ARID3B: variants seen among roughly 807,000 people sequenced by gnomAD.
ARID3B encodes the protein AT-rich interaction domain 3B.
In ARID3B, 10 loss-of-function variants were observed where a neutral mutation model predicts 51.9. The observed-to-expected ratio is 0.19, with a 90% CI of 0.12 to 0.33. The LOEUF is 0.33. ARID3B is among the 10% of genes least tolerant of loss of function. The pLI is 1.00. For synonymous variants in ARID3B, 205 were observed against 279.5 expected, an observed-to-expected ratio of 0.73 and a Z score of 2.66; for missense variants, 483 against 716.3, an observed-to-expected ratio of 0.67 and a Z score of 3.72.
At chr15:74,560,978 T>C (rs895619459) in intron 2 of ARID3B, among the ~76,000 whole-genome samples, 7 of 152,194 alleles carry the variant, frequency 4.6e-5, no homozygotes, top group African/African-American at 1.7e-4. Flanking sequence ...AGTCCTTTTA[T>C]TTTTGCTGTC....
chr15:74,586,433 T>C (rs1054808803), intron 4 of ARID3B, among the ~76,000 whole-genome samples: 1 of 152,252 alleles, frequency 6.6e-6, no homozygotes, highest in Non-Finnish European at 1.5e-5. Flanking sequence ...AGAGGCTAAT[T>C]TTTAATGAAA....
At chr15:74,551,813 G>T (rs756542272) in intron 2 of ARID3B, among the ~76,000 whole-genome samples, 3 of 151,878 alleles carry the variant, frequency 2.0e-5, no homozygotes, top group Non-Finnish European at 4.4e-5. Flanking sequence ...AAAGGAATTG[G>T]TTTTACTCTT....
intron 2 of ARID3B, among the ~76,000 whole-genome samples, chr15:74,559,262 G>C (rs961225238): frequency 2.0e-5 from 3 of 152,084 alleles, no homozygotes; most frequent in African/African-American, 4.8e-5. Flanking sequence ...CTGCTGCTGT[G>C]GACTCTGCTT....
At chr15:74,561,788 TA>T (rs1488973490) in intron 2 of ARID3B, among the ~76,000 whole-genome samples, 1 of 152,212 alleles carries the variant, frequency 6.6e-6, no homozygotes, top group Non-Finnish European at 1.5e-5. Flanking sequence ...TCAACTCAAC[TA>T]TTTTTCAACC....
intron 1 of ARID3B, 113 bp from the exon 2 acceptor site, chr15:74,543,747 G>A: frequency 1.5e-6 from 1 of 663,760 alleles, no homozygotes; most frequent in South Asian, 2.1e-5. Flanking sequence ...AGGAGCATAT[G>A]TTTAGCGTTC....
chr15:74,542,460 A>G (rs901694574), intron 1 of ARID3B, among the ~76,000 whole-genome samples: 4 of 152,220 alleles, frequency 2.6e-5, no homozygotes, highest in Non-Finnish European at 5.9e-5. Context: ...GGGCTATAAG[A>G]TAAACAGAAA....
intron 2 of ARID3B, among the ~76,000 whole-genome samples, chr15:74,556,305 C>T (rs1183702139): frequency 6.6e-6 from 1 of 152,136 alleles, no homozygotes; most frequent in Non-Finnish European, 1.5e-5. Flanking sequence ...GTTGGTGGAG[C>T]AGTCAGAATA....
intron 8 of ARID3B, among the ~76,000 whole-genome samples, chr15:74,593,645 C>G (rs949222877): frequency 6.6e-6 from 1 of 152,196 alleles, no homozygotes; most frequent in African/African-American, 2.4e-5. Flanking sequence ...AGCTCCCTGC[C>G]CCCCAGTCTT....
rs2061803806 is a variant in ARID3B, at chr15:74,591,647, C to T, written c.1253C>T (p.Thr418Ile). 1.2e-6 allele frequency: 2 copies of T among 1,604,632 alleles called. No individual in the cohort carries two copies. Among genetic ancestry groups the T allele is most frequent in the East Asian group, 2.3e-5 (1 of 44,382 alleles). ...GCAAGCCAGCAGGCTGGTACTCGGA[C>T]CGCCGCACTGGAGCAGCTGCGGGAG... ...TLASQQAGTRTAALEQLRERL... is the reference protein window; with the variant it reads ...TLASQQAGTRIAALEQLRERL... Residue 418 changes from threonine to isoleucine, a missense_variant, in exon 7 of 9, where the codon ACC (threonine) becomes ATC (isoleucine). Thr to Ile is a moderately conservative substitution (Grantham distance 89). This residue lies in a region of ARID3B where 265 missense variants were observed against 354.4 expected (regional missense o/e 0.75). Coordinates refer to ENST00000346246, the MANE Select transcript of ARID3B (RefSeq NM_006465.4). This position sits in a 1 kb window ranked among gnomAD's most constrained non-coding sequence, Gnocchi z 5.8.
At chr15:74,559,901 T>G (rs2061672693) in intron 2 of ARID3B, among the ~76,000 whole-genome samples, 1 of 151,660 alleles carries the variant, frequency 6.6e-6, no homozygotes, top group Non-Finnish European at 1.5e-5. Context: ...CAGTTTTAAA[T>G]TTTATATACA....
At chr15:74,572,012 G>A (rs1419268251) in intron 2 of ARID3B, among the ~76,000 whole-genome samples, 1 of 152,152 alleles carries the variant, frequency 6.6e-6, no homozygotes, top group Non-Finnish European at 1.5e-5. Context: ...AGGAGGTTGA[G>A]GCAGGAGAAT....
At chr15:74,568,721 C>T (rs1303274145) in intron 2 of ARID3B, among the ~76,000 whole-genome samples, 1 of 152,056 alleles carries the variant, frequency 6.6e-6, no homozygotes, top group Non-Finnish European at 1.5e-5. Flanking sequence ...TTCCTGTGAG[C>T]TCCTGGAGAG....
At chr15:74,562,593 C>T (rs1184562898) in intron 2 of ARID3B, among the ~76,000 whole-genome samples, 1 of 152,180 alleles carries the variant, frequency 6.6e-6, no homozygotes, top group East Asian at 1.9e-4. Flanking sequence ...CTCAACCAAT[C>T]CTCTCACCAC....
At chr15:74,583,793 G>A (rs12594105) in intron 4 of ARID3B, among the ~76,000 whole-genome samples, 6,730 of 152,260 alleles carry the variant, frequency 0.044, 165 homozygotes, top group East Asian at 0.12. Context: ...CATCTAGTGA[G>A]CTGTATGGTT....
chr15:74,558,573 A>G (rs2061667922), intron 2 of ARID3B, among the ~76,000 whole-genome samples: 1 of 152,184 alleles, frequency 6.6e-6, no homozygotes, highest in Non-Finnish European at 1.5e-5. Flanking sequence ...AAAAAAGAAT[A>G]GTAATGAACC....
At position 74,553,803 on chromosome 15, in the gene ARID3B, T is replaced by TTTATTTA. The variant is rs1567116856; in HGVS notation, c.552+9317_552+9318insATTTATT. Among the ~76,000 whole-genome samples, 301 of 150,242 alleles carry TTTATTTA rather than the reference T, an allele frequency of 2.0e-3. 1 individual carries two copies. The highest frequency in any genetic ancestry group is 7.0e-3 in the African/African-American group (288 of 40,984). ...TCTTTTTTTTGTTTTGTTTTTTAAT[T>TTTATTTA]TTTATTTATTTATTTATTTATTTAT... On this transcript the variant is annotated intron_variant, in intron 2 of 8. Transcript: ENST00000346246.
At chr15:74,562,009 C>A (rs971821022) in intron 2 of ARID3B, among the ~76,000 whole-genome samples, 1 of 149,922 alleles carries the variant, frequency 6.7e-6, no homozygotes, top group Non-Finnish European at 1.5e-5. Context: ...AGGTTGCACT[C>A]CAGCCCTGGC....
intron 2 of ARID3B, among the ~76,000 whole-genome samples, chr15:74,558,564 A>G (rs1180084339): frequency 6.6e-6 from 1 of 152,234 alleles, no homozygotes; most frequent in African/African-American, 2.4e-5. Flanking sequence ...CATACAAAAA[A>G]AAAAGAATAG....
At chr15:74,575,641 A>G (rs1282997722) in intron 4 of ARID3B, among the ~76,000 whole-genome samples, 1 of 152,088 alleles carries the variant, frequency 6.6e-6, no homozygotes, top group Non-Finnish European at 1.5e-5. Flanking sequence ...GCCATCTAGT[A>G]TATTTCTGAG....
Sources: gnomAD v4.1 joint callset for allele counts (sites outside exome capture counted in the v4.1 genomes callset) on GRCh38, gnomAD v4.1.1 for gene constraint, gnomAD v4.1.1 regional missense constraint, Gnocchi (gnomAD v3.1) non-coding constraint, MANE v1.5 for transcripts, NCBI Gene and HGNC (gene_info 2026-07-23, HGNC 2026-07-21) for gene names.